Variants in FSTL4 observed in about 807,000 individuals in gnomAD.
FSTL4 encodes follistatin like 4, also known as follistatin-related protein 4.
FSTL4 carries 28 observed loss-of-function variants against 78.2 expected under a neutral mutation model. That is an observed-to-expected ratio of 0.36 (90% confidence interval 0.27 to 0.49). The LOEUF (loss-of-function observed/expected upper bound fraction) is 0.49, where lower values mean the gene tolerates loss of function less well. FSTL4 is among the 20% of genes least tolerant of loss of function. The probability of loss-of-function intolerance (pLI) is 0.98; values close to 1 mark genes in which losing one functional copy is unlikely to be tolerated. For missense variants in FSTL4, 922 were observed against 1,084.9 expected (o/e 0.85, Z 2.11); for synonymous variants, 422 against 440.5 (o/e 0.96, Z 0.53).
intron 4 of FSTL4, among the ~76,000 whole-genome samples, chr5:133,355,961 G>A (rs1754933243): frequency 2.0e-5 from 3 of 152,048 alleles, no homozygotes; most frequent in African/African-American, 7.2e-5. Flanking sequence ...GGAAATCCTC[G>A]CATGGCTAGT....
the FSTL4 span, among the ~76,000 whole-genome samples, chr5:133,827,405 G>T: frequency 6.6e-6 from 1 of 152,120 alleles, no homozygotes; most frequent in Admixed American, 6.5e-5. Context: ...ACTAAGGAGT[G>T]TCGCGGATGC....
intron 5 of FSTL4, 108 bp downstream of exon 5, chr5:133,316,351 A>C: frequency 1.3e-6 from 1 of 780,196 alleles, no homozygotes; most frequent in East Asian, 2.5e-5. Context: ...TGTTTGTGAG[A>C]TGTTCTCAGA....
intron 1 of FSTL4, among the ~76,000 whole-genome samples, chr5:133,609,139 T>C (rs889055111): frequency 6.6e-6 from 1 of 152,208 alleles, no homozygotes; most frequent in Non-Finnish European, 1.5e-5. Context: ...GGCTTCTTTT[T>C]GTAATCAACA....
intron 7 of FSTL4, among the ~76,000 whole-genome samples, chr5:133,235,499 CAAAAAA>C (rs71581361): frequency 5.1e-5 from 5 of 97,550 alleles, no homozygotes; most frequent in African/African-American, 1.0e-4. Flanking sequence ...ACCCCACCTC[CAAAAAA>C]AAAAAAAAAA....
chr5:133,487,179 G>A (rs1168313057), intron 3 of FSTL4, among the ~76,000 whole-genome samples: 1 of 152,170 alleles, frequency 6.6e-6, no homozygotes, highest in Non-Finnish European at 1.5e-5. Context: ...TCCTCTCTGA[G>A]CACGTGGAAG....
chr5:133,213,187 C>T (rs1581530703), intron 13 of FSTL4, among the ~76,000 whole-genome samples: 1 of 152,060 alleles, frequency 6.6e-6, no homozygotes, highest in Non-Finnish European at 1.5e-5. Context: ...ATTTTTAGTA[C>T]AGACAGGGCT....
intron 12 of FSTL4, among the ~76,000 whole-genome samples, chr5:133,219,234 G>A (rs1751011287): frequency 6.6e-6 from 1 of 152,102 alleles, no homozygotes; most frequent in Admixed American, 6.5e-5. Context: ...CTTTATCTCA[G>A]AACCTTCTCC....
At chr5:133,433,747 A>G (rs1051649146) in intron 3 of FSTL4, among the ~76,000 whole-genome samples, 1 of 152,184 alleles carries the variant, frequency 6.6e-6, no homozygotes, top group African/African-American at 2.4e-5. Flanking sequence ...GGTGGATTTA[A>G]GCTGAGACCT....
At chr5:133,678,994 G>A in the FSTL4 span, among the ~76,000 whole-genome samples, 1 of 152,116 alleles carries the variant, frequency 6.6e-6, no homozygotes, top group African/African-American at 2.4e-5. Flanking sequence ...CAGCAAAAGA[G>A]GTATAAAAAT....
rs141641435 is a variant in FSTL4, at chr5:133,406,580, C to T, written c.161-5594G>A. Among the ~76,000 whole-genome samples the T allele has an allele frequency of 1.6e-3, 241 of 152,316 alleles. 1 individual carries two copies. Among genetic ancestry groups the T allele is most frequent in the Admixed American group, 0.015 (227 of 15,306 alleles). On this transcript the variant is annotated intron_variant, in intron 3 of 15. Transcript: ENST00000265342. Reference sequence around the variant, plus strand: ...CTAGATGCCCTGGATGCCGGGGCTGCGTCAGGTCCACCTCCACCCTGTAAC... The same window carrying T: ...CTAGATGCCCTGGATGCCGGGGCTGTGTCAGGTCCACCTCCACCCTGTAAC...
chr5:133,436,235 T>C (rs973129840), intron 3 of FSTL4, among the ~76,000 whole-genome samples: 6 of 152,156 alleles, frequency 3.9e-5, no homozygotes, highest in African/African-American at 1.4e-4. Flanking sequence ...AAGTTTACAA[T>C]GGAAGGACAA....
chr5:133,778,225 G>C, the FSTL4 span, among the ~76,000 whole-genome samples: 1 of 152,140 alleles, frequency 6.6e-6, no homozygotes, highest in South Asian at 2.1e-4. Flanking sequence ...GCAACATCCT[G>C]TTTAGATCAT....
chr5:133,647,941 C>T, the FSTL4 span, among the ~76,000 whole-genome samples: 1 of 152,230 alleles, frequency 6.6e-6, no homozygotes, highest in East Asian at 1.9e-4. Context: ...CTTTCCCGTG[C>T]TGTTCTCATG....
At chr5:133,619,090 G>C in the FSTL4 span, among the ~76,000 whole-genome samples, 1 of 152,186 alleles carries the variant, frequency 6.6e-6, no homozygotes, top group South Asian at 2.1e-4. Context: ...CTCTTTTCCA[G>C]TGGTGATCAG....
intron 3 of FSTL4, among the ~76,000 whole-genome samples, chr5:133,455,080 T>C (rs373272901): frequency 1.8e-4 from 28 of 152,308 alleles, no homozygotes; most frequent in East Asian, 1.4e-3. Flanking sequence ...GGCTCCATAC[T>C]AAAGGAGGAG....
intron 6 of FSTL4, among the ~76,000 whole-genome samples, chr5:133,297,712 C>CTAGAGTGGGCA (rs1446137658): frequency 6.6e-6 from 1 of 152,226 alleles, no homozygotes; most frequent in African/African-American, 2.4e-5. Flanking sequence ...TCACAGAAAT[C>CTAGAGTGGGCA]TAGAGTGGGC....
At chr5:133,287,473 A>G (rs17166490) in intron 6 of FSTL4, among the ~76,000 whole-genome samples, 15,271 of 152,094 alleles carry the variant, frequency 0.1, 928 homozygotes, top group East Asian at 0.26. Context: ...TGACAGCTGC[A>G]TGCACATCTC....
At chr5:133,232,446 C>T (rs1351475202) in intron 8 of FSTL4, among the ~76,000 whole-genome samples, 1 of 152,122 alleles carries the variant, frequency 6.6e-6, no homozygotes, top group African/African-American at 2.4e-5. Context: ...GGGAAGGAGG[C>T]TCTCTGAGGG....
At chr5:133,795,246 C>T in the FSTL4 span, among the ~76,000 whole-genome samples, 2 of 152,182 alleles carry the variant, frequency 1.3e-5, no homozygotes, top group African/African-American at 4.8e-5. Context: ...GGAAGCAATC[C>T]GTCTGCAAAC....
Sources: allele counts gnomAD v4.1 joint callset (sites outside exome capture counted in the v4.1 genomes callset), GRCh38; gene constraint gnomAD v4.1.1; transcripts MANE v1.5; gene names NCBI Gene and HGNC (gene_info 2026-07-23, HGNC 2026-07-21).